Variants in LRRK1 observed in about 807,000 individuals in gnomAD.
LRRK1 encodes leucine-rich repeat serine/threonine-protein kinase 1.
A neutral mutation model predicts 209.1 loss-of-function variants in LRRK1; 113 were observed. The ratio of observed to expected loss-of-function variants is 0.54; its 90% CI spans 0.46 to 0.63. The LOEUF (loss-of-function observed/expected upper bound fraction) is 0.63. LRRK1 is among the 30% of genes least tolerant of loss of function. The probability of loss-of-function intolerance (pLI) is 0.00; values close to 1 mark genes in which losing one functional copy is unlikely to be tolerated. For missense variants in LRRK1, 2,284 were observed against 2,632.2 expected (o/e 0.87, Z 2.89); for synonymous variants, 1,144 against 1,099.7 (o/e 1.04, Z -0.80).
At chr15:101,021,817 C>A in intron 13 of LRRK1, 28 bp from the exon 14 acceptor site, 2 of 1,309,856 alleles carry the variant, frequency 1.5e-6, no homozygotes, top group Non-Finnish European at 2.2e-6. Context: ...TGTGTGTATT[C>A]TCTCGTGGTG....
intron 2 of LRRK1, among the ~76,000 whole-genome samples, chr15:100,937,952 G>C (rs914024955): frequency 6.6e-6 from 1 of 151,962 alleles, no homozygotes; most frequent in Admixed American, 6.6e-5. Flanking sequence ...CTGGGCTTTA[G>C]CGATCCTCCT....
At chr15:101,062,911 G>A (rs1192313914) in intron 31 of LRRK1, among the ~76,000 whole-genome samples, 1 of 152,142 alleles carries the variant, frequency 6.6e-6, no homozygotes, top group Non-Finnish European at 1.5e-5. Flanking sequence ...CCAGACTGCA[G>A]GCCGAATGAA....
At chr15:100,944,021 G>A (rs551905344) in intron 2 of LRRK1, among the ~76,000 whole-genome samples, 1 of 152,260 alleles carries the variant, frequency 6.6e-6, no homozygotes, top group East Asian at 1.9e-4. Flanking sequence ...CATTCATAAT[G>A]AATGCCTTGA....
chr15:100,987,650 G>A (rs1408974550), intron 4 of LRRK1, among the ~76,000 whole-genome samples: 2 of 152,146 alleles, frequency 1.3e-5, no homozygotes, highest in Non-Finnish European at 2.9e-5. Flanking sequence ...AACATCATGA[G>A]TTAGGGTTTA....
At chr15:100,967,266 C>T (rs1014319011) in intron 2 of LRRK1, among the ~76,000 whole-genome samples, 3 of 152,260 alleles carry the variant, frequency 2.0e-5, no homozygotes, top group East Asian at 1.9e-4. Flanking sequence ...CACGTATAAC[C>T]GCTTACACAC....
chr15:101,067,696 T>C (rs181664849), intron 33 of LRRK1, among the ~76,000 whole-genome samples: 21 of 152,294 alleles, frequency 1.4e-4, no homozygotes, highest in Admixed American at 1.2e-3. Context: ...ACCCTTACTC[T>C]GTAAGTGGTT....
At chr15:101,013,081 T>C (rs2033350000) in intron 10 of LRRK1, among the ~76,000 whole-genome samples, 1 of 151,938 alleles carries the variant, frequency 6.6e-6, no homozygotes, top group Non-Finnish European at 1.5e-5. Flanking sequence ...GGCAGAGCCT[T>C]GTCCAGAGCT....
intron 6 of LRRK1, among the ~76,000 whole-genome samples, chr15:100,990,728 T>C (rs2032117672): frequency 6.6e-6 from 1 of 151,838 alleles, no homozygotes; most frequent in Admixed American, 6.6e-5. Flanking sequence ...GGGTTTTTTT[T>C]TTTTTGAACA....
At chr15:100,969,600 G>T (rs750581835) in intron 2 of LRRK1, among the ~76,000 whole-genome samples, 3 of 152,058 alleles carry the variant, frequency 2.0e-5, no homozygotes, top group Non-Finnish European at 4.4e-5. Context: ...CCATCAGCCA[G>T]GTATTAAGCC....
rs572429881 is a variant in LRRK1 at position 101,041,048 on chromosome 15, G to T, written c.2964-4933G>T. ...CTACCTCTCTCTCCAGTTCTGACAGGCTTTATTTTATATATTTTGAAGCCA... is the reference window on the plus strand; with the variant it reads ...CTACCTCTCTCTCCAGTTCTGACAGTCTTTATTTTATATATTTTGAAGCCA... On this transcript the variant is annotated intron_variant, in intron 20 of 33. Transcript: ENST00000388948. Among the ~76,000 whole-genome samples, 7 of 152,298 alleles carry T rather than the reference G, an allele frequency of 4.6e-5. No homozygotes were observed. The South Asian group carries it at 1.5e-3, about 32-fold the overall frequency.
chr15:101,030,479 C>G (rs897004507), intron 20 of LRRK1, among the ~76,000 whole-genome samples: 1 of 152,210 alleles, frequency 6.6e-6, no homozygotes, highest in Non-Finnish European at 1.5e-5. Flanking sequence ...CCAAATTGCT[C>G]CCACCTGGAA....
chr15:100,930,582 G>A (rs1321259720), intron 2 of LRRK1, among the ~76,000 whole-genome samples: 3 of 152,188 alleles, frequency 2.0e-5, no homozygotes, highest in Non-Finnish European at 4.4e-5. Context: ...GGTGTGCAGG[G>A]CAGCCCTATC....
At chr15:101,011,320 A>T (rs1437057320) in intron 9 of LRRK1, among the ~76,000 whole-genome samples, 1 of 151,644 alleles carries the variant, frequency 6.6e-6, no homozygotes, top group Non-Finnish European at 1.5e-5. Flanking sequence ...TAAAAAAAAA[A>T]AAAAAATAAG....
rs546400444 is a variant in LRRK1 at position 101,069,660 on chromosome 15, T to A, written c.*812T>A. On this transcript the variant is annotated 3_prime_UTR_variant, in exon 34 of 34. Coordinates refer to ENST00000388948, the MANE Select transcript of LRRK1 (RefSeq NM_024652.6). The stretch of plus-strand genomic sequence containing the variant: ...ACGCAGCTGGAGCACAGGCCCTGTT[T>A]GTTTGCACATAATAATCTTGTTTAT... The A allele has an allele frequency of 6.5e-6, 1 of 152,690 alleles. No individual in the cohort carries two copies. The highest frequency in any genetic ancestry group is 2.4e-5 in the African/African-American group (1 of 41,468). 9.5% of individuals were successfully genotyped at this position (152,690 alleles called of 1,614,324 possible). A position where few individuals can be genotyped will look rare whatever the true frequency, so the allele number is the denominator to read the frequency against.
chr15:101,009,498 T>G (rs2141692395), intron 7 of LRRK1, among the ~76,000 whole-genome samples: 1 of 152,344 alleles, frequency 6.6e-6, no homozygotes, highest in South Asian at 2.1e-4. Flanking sequence ...CAGGCTTGCT[T>G]CTTCTGGAGG....
Position 101,055,079 on chromosome 15 carries a change from C to T in LRRK1, c.4188C>T (p.Ser1396=), listed in dbSNP as rs2035716915. 1 of 1,614,010 alleles carries T rather than the reference C, an allele frequency of 6.2e-7. No homozygotes were observed. The highest frequency in any genetic ancestry group is 1.3e-5 in the African/African-American group (1 of 74,910). ...AGTCGGACAACATTCTGGTGTGGTC[C>T]CTTGACGTCAAGGAGCACATCAACA... is the stretch of plus-strand genomic sequence containing the variant. The part of the protein sequence containing the change: ...DLKSDNILVW[S]LDVKEHINIK... Residue 1396 remains serine (S), a synonymous_variant, in exon 27 of 34, where the codon TCC becomes TCT. Coordinates refer to ENST00000388948, the MANE Select transcript of LRRK1 (RefSeq NM_024652.6).
At chr15:101,034,853 T>A (rs2034433656) in intron 20 of LRRK1, among the ~76,000 whole-genome samples, 1 of 152,070 alleles carries the variant, frequency 6.6e-6, no homozygotes, top group Non-Finnish European at 1.5e-5. Context: ...GTCTGTTTTT[T>A]TTTCCTAGGC....
chr15:100,923,466 G>A (rs556290959), intron 1 of LRRK1, among the ~76,000 whole-genome samples: 17 of 152,302 alleles, frequency 1.1e-4, no homozygotes, highest in African/African-American at 3.8e-4. Flanking sequence ...ACAGACAAGA[G>A]GTGCTAATTA....
intron 3 of LRRK1, among the ~76,000 whole-genome samples, chr15:100,977,065 A>C (rs1459503765): frequency 6.6e-6 from 1 of 152,196 alleles, no homozygotes. Flanking sequence ...AAGGCAGAGT[A>C]GCTGGTGGCC....
Sources: gnomAD v4.1 joint callset for allele counts (sites outside exome capture counted in the v4.1 genomes callset) on GRCh38, gnomAD v4.1.1 for gene constraint, MANE v1.5 for transcripts, NCBI Gene and HGNC (gene_info 2026-07-23, HGNC 2026-07-21) for gene names.